Variants in MPPED2 observed in about 807,000 individuals in gnomAD.
MPPED2 encodes metallophosphoesterase domain containing 2, also known as metallophosphoesterase MPPED2.
A neutral mutation model predicts 33.0 loss-of-function variants in MPPED2; 5 were observed. The ratio of observed to expected loss-of-function variants is 0.15; its 90% CI spans 0.08 to 0.32. MPPED2 has a LOEUF of 0.32. Among genes scored for constraint, MPPED2 ranks in the 10% least tolerant of loss-of-function variants. The pLI is 1.00. For missense variants in MPPED2, 275 were observed against 372.1 expected, an observed-to-expected ratio of 0.74 and a Z score of 2.15; for synonymous variants, 136 against 141.9, an observed-to-expected ratio of 0.96 and a Z score of 0.29.
intron 4 of MPPED2, among the ~76,000 whole-genome samples, chr11:30,484,794 C>A (rs1382101707): frequency 6.6e-6 from 1 of 152,186 alleles, no homozygotes; most frequent in African/African-American, 2.4e-5. Flanking sequence ...TCATAAGCAA[C>A]CTGCCATGCA....
At chr11:30,576,414 C>T (rs1956933324) in intron 2 of MPPED2, among the ~76,000 whole-genome samples, 2 of 152,110 alleles carry the variant, frequency 1.3e-5, no homozygotes. Context: ...GAAAACAAGG[C>T]TTGATTTGAG....
chr11:30,518,118 C>T (rs1565146698), intron 3 of MPPED2, among the ~76,000 whole-genome samples: 2 of 152,180 alleles, frequency 1.3e-5, no homozygotes. Flanking sequence ...AGCCACAGAA[C>T]AGCTACCAAG....
At chr11:30,394,921 A>G (rs1947822275) in intron 6 of MPPED2, among the ~76,000 whole-genome samples, 1 of 152,182 alleles carries the variant, frequency 6.6e-6, no homozygotes. Context: ...CTGCATGTGA[A>G]GTTAAATTGT....
chr11:30,502,108 C>A (rs1261306292), intron 3 of MPPED2, among the ~76,000 whole-genome samples: 1 of 152,170 alleles, frequency 6.6e-6, no homozygotes, highest in Non-Finnish European at 1.5e-5. Context: ...TCATGCAATT[C>A]CATTTTATGG....
intron 6 of MPPED2, among the ~76,000 whole-genome samples, chr11:30,389,638 T>C (rs1420503303): frequency 7.2e-5 from 11 of 152,208 alleles, no homozygotes; most frequent in African/African-American, 2.7e-4. Flanking sequence ...CATTTACATA[T>C]CCTATCATAC....
At chr11:30,478,833 G>A (rs1230721328) in intron 4 of MPPED2, among the ~76,000 whole-genome samples, 1 of 152,092 alleles carries the variant, frequency 6.6e-6, no homozygotes, top group Non-Finnish European at 1.5e-5. Flanking sequence ...TTGTCGTTTT[G>A]AACGGAAGAA....
intron 3 of MPPED2, 63 bp from the exon 4 acceptor site, chr11:30,495,584 G>T: frequency 1.6e-6 from 2 of 1,220,094 alleles, no homozygotes; most frequent in South Asian, 2.6e-5. Context: ...TACAACAGCC[G>T]AGACTGTGTG....
At chr11:30,526,703 C>CAA (rs11339582) in intron 3 of MPPED2, among the ~76,000 whole-genome samples, 402 of 126,834 alleles carry the variant, frequency 3.2e-3, no homozygotes, top group African/African-American at 0.011. Flanking sequence ...GAATAAATCT[C>CAA]AAAAAAAAAA....
At chr11:30,434,097 T>C (rs940411749) in intron 4 of MPPED2, among the ~76,000 whole-genome samples, 3 of 152,198 alleles carry the variant, frequency 2.0e-5, no homozygotes, top group African/African-American at 7.2e-5. Flanking sequence ...CTGAGCCCTC[T>C]CCACTAATCC....
intron 4 of MPPED2, chr11:30,428,886 A>G (rs1565058452): frequency 6.6e-6 from 1 of 152,224 alleles, no homozygotes; most frequent in Non-Finnish European, 1.5e-5. Flanking sequence ...TATTAATATC[A>G]CCAACCCTTT....
At chr11:30,405,998 C>A (rs1947983239), downstream of MPPED2, among the ~76,000 whole-genome samples, 1 of 152,110 alleles carries the variant, frequency 6.6e-6, no homozygotes, top group Non-Finnish European at 1.5e-5. Context: ...AGCTTCCAGA[C>A]CTGACATACA....
intron 3 of MPPED2, among the ~76,000 whole-genome samples, chr11:30,522,319 T>TA (rs1953915695): frequency 6.6e-6 from 1 of 151,926 alleles, no homozygotes; most frequent in African/African-American, 2.4e-5. Context: ...TTAGGAAAGA[T>TA]ACATTGAAAT....
At chr11:30,450,034 A>G (rs1158782587) in intron 4 of MPPED2, among the ~76,000 whole-genome samples, 1 of 152,256 alleles carries the variant, frequency 6.6e-6, no homozygotes, top group Non-Finnish European at 1.5e-5. Context: ...CTGTGCATGT[A>G]AAATTAAAAA....
chr11:30,575,773 G>T (rs891414346), intron 2 of MPPED2, among the ~76,000 whole-genome samples: 58 of 152,112 alleles, frequency 3.8e-4, no homozygotes, highest in African/African-American at 1.3e-3. Flanking sequence ...TTCCATCCCC[G>T]CCTTGGGACT....
At chr11:30,458,125 C>T (rs969616637) in intron 4 of MPPED2, among the ~76,000 whole-genome samples, 1 of 152,158 alleles carries the variant, frequency 6.6e-6, no homozygotes, top group African/African-American at 2.4e-5. Flanking sequence ...TATTTTCTCT[C>T]GTGCCTAATG....
rs1481823156 is a variant in MPPED2 at position 30,551,149 on chromosome 11, C to T, written c.129-14974G>A. On this transcript the variant is annotated intron_variant, in intron 2 of 6. Transcript: ENST00000358117. ...CCAATGTTAGCAGCAGAACTGGATC[C>T]ACACTCTATACTTCCTAACCCCCAG... is the stretch of plus-strand genomic sequence containing the variant. Among the ~76,000 whole-genome samples, 3 of 151,956 alleles carry T rather than the reference C, an allele frequency of 2.0e-5. No individual in the cohort carries two copies. The South Asian group carries it at 6.2e-4, about 32-fold the overall frequency.
chr11:30,515,144 A>T (rs570004291), intron 3 of MPPED2, among the ~76,000 whole-genome samples: 5 of 152,216 alleles, frequency 3.3e-5, no homozygotes, highest in Admixed American at 3.3e-4. Context: ...TCATCTTTAC[A>T]GTAACCTTAT....
At chr11:30,397,792 C>A (rs533613720) in intron 6 of MPPED2, among the ~76,000 whole-genome samples, 21 of 152,078 alleles carry the variant, frequency 1.4e-4, no homozygotes, top group Admixed American at 4.6e-4. Flanking sequence ...AGAGTCTTGT[C>A]CTGCTGTTTT....
At position 30,529,459 on chromosome 11, in the gene MPPED2, G is replaced by A. The variant is rs541265325; in HGVS notation, c.310+6535C>T. ...TGTGAAAAGTGGTTCATAATATATC[G>A]TTAAGATGAAAAAGAGACTACAAAG... is the stretch of plus-strand genomic sequence containing the variant. On this transcript the variant is annotated intron_variant, in intron 3 of 6. Transcript: ENST00000358117. Among the ~76,000 whole-genome samples the A allele has an allele frequency of 2.2e-4, 33 of 152,070 alleles. No homozygotes were observed. In the South Asian group the frequency reaches 6.4e-3, roughly 30 times the overall value.
Sources: gnomAD v4.1 joint callset for allele counts (sites outside exome capture counted in the v4.1 genomes callset) on GRCh38, gnomAD v4.1.1 for gene constraint, MANE v1.5 for transcripts, NCBI Gene and HGNC (gene_info 2026-07-23, HGNC 2026-07-21) for gene names.